The following DNER variants were observed in gnomAD, a reference collection of about 807,000 sequenced individuals.
DNER encodes delta and Notch-like epidermal growth factor-related receptor.
Under a neutral mutation model 78.2 loss-of-function variants are expected in DNER, and 33 were observed. That is an observed-to-expected ratio of 0.42 (90% CI 0.32 to 0.56). DNER has a LOEUF of 0.56. Among genes scored for constraint, DNER ranks in the 20% least tolerant of loss-of-function variants. The pLI is 0.11. For synonymous variants in DNER, 417 were observed against 384.8 expected (o/e 1.08, Z -0.98); for missense variants, 918 against 975.3 (o/e 0.94, Z 0.78).
chr2:229,460,348 A>G (rs1207319320), intron 7 of DNER, among the ~76,000 whole-genome samples: 2 of 151,782 alleles, frequency 1.3e-5, no homozygotes, highest in African/African-American at 4.8e-5. Flanking sequence ...TGTAATGTTG[A>G]GAGCTTTTTA....
chr2:229,614,799 G>A lies in DNER; in HGVS notation c.277-22911C>T, dbSNP rs1698122580. On this transcript the variant is annotated intron_variant, in intron 1 of 12. Coordinates refer to ENST00000341772, the MANE Select transcript of DNER (RefSeq NM_139072.4). ...TGCCCACTTTCCTCATGGCTGGTTA[G>A]AGAAATCAAAAGTACAGTGCAATAT... 3.9e-5 allele frequency among the ~76,000 whole-genome samples: 6 copies of A among 152,284 alleles called. No individual in the cohort carries two copies. The South Asian group carries it at 1.2e-3, about 32-fold the overall frequency.
intron 1 of DNER, among the ~76,000 whole-genome samples, chr2:229,687,408 C>T (rs979472830): frequency 2.0e-5 from 3 of 151,876 alleles, no homozygotes; most frequent in Admixed American, 6.6e-5. Context: ...GGACTACAGG[C>T]GTCTACCACC....
At position 229,709,480 on chromosome 2, in the gene DNER, T is replaced by C. The variant is rs545518611; in HGVS notation, c.276+4668A>G. On this transcript the variant is annotated intron_variant, in intron 1 of 12. Transcript: ENST00000341772. ...ACTACAATGTGAGTTTGTGTGTGTC[T>C]GTGTGTGTGTGTGTGTTTGTGTGTA... 3.0e-4 allele frequency among the ~76,000 whole-genome samples: 44 copies of C among 147,672 alleles called. No homozygotes were observed. The South Asian group carries it at 9.0e-3, about 30-fold the overall frequency.
chr2:229,598,480 T>G (rs1409629565), intron 1 of DNER, among the ~76,000 whole-genome samples: 1 of 152,258 alleles, frequency 6.6e-6, no homozygotes, highest in East Asian at 1.9e-4. Flanking sequence ...GCTCATCAAT[T>G]GCTTGCCCTG....
intron 4 of DNER, among the ~76,000 whole-genome samples, chr2:229,561,056 TTTGCTTGC>T (rs896340776): frequency 3.3e-5 from 5 of 152,190 alleles, no homozygotes; most frequent in Non-Finnish European, 7.4e-5. Context: ...TTACTTGTGG[TTTGCTTGC>T]TTGCTTGTAA....
Position 229,538,307 on chromosome 2 carries a change from G to A in DNER, c.993+8640C>T, listed in dbSNP as rs547471971. Among the ~76,000 whole-genome samples the A allele has an allele frequency of 9.2e-5, 14 of 152,238 alleles. No individual in the cohort carries two copies. In the South Asian group the frequency reaches 1.7e-3, roughly 18 times the overall value. On this transcript the variant is annotated intron_variant, in intron 5 of 12. Transcript: ENST00000341772. ...ACTCTCTGACTCAAAAATGTTTAAC[G>A]AACACTGTCATAAAGCTATTTAGTC...
At chr2:229,652,591 A>G (rs1470109235) in intron 1 of DNER, among the ~76,000 whole-genome samples, 1 of 152,212 alleles carries the variant, frequency 6.6e-6, no homozygotes, top group East Asian at 1.9e-4. Context: ...AGATACCACA[A>G]AGGGAGGCAA....
chr2:229,586,931 G>A, intron 3 of DNER: 9 of 985,496 alleles, frequency 9.1e-6, no homozygotes, highest in Non-Finnish European at 1.1e-5. Context: ...GGAAATGAAA[G>A]CGTAAGGAGC....
chr2:229,668,517 T>TATATATACTTACCAATATATA (rs1491497801), intron 1 of DNER, among the ~76,000 whole-genome samples: 1 of 53,412 alleles, frequency 1.9e-5, no homozygotes, highest in African/African-American at 1.3e-4. Flanking sequence ...TAGGTAAGTA[T>TATATATACTTACCAATATATA]GTGTGTGTGT....
intron 11 of DNER, among the ~76,000 whole-genome samples, chr2:229,378,036 A>G (rs1335915957): frequency 6.6e-6 from 1 of 152,182 alleles, no homozygotes. Flanking sequence ...CAATTGAGTG[A>G]TGAGAATGAA....
chr2:229,510,929 T>C (rs1695853939), intron 6 of DNER, among the ~76,000 whole-genome samples: 2 of 152,156 alleles, frequency 1.3e-5, no homozygotes, highest in African/African-American at 2.4e-5. Flanking sequence ...CATATCACTT[T>C]TTAAAAACAT....
intron 11 of DNER, among the ~76,000 whole-genome samples, chr2:229,379,112 A>T (rs541501625): frequency 5.9e-5 from 9 of 152,294 alleles, no homozygotes; most frequent in African/African-American, 2.2e-4. Flanking sequence ...TGAGATGTGT[A>T]ATGTACCCTA....
At chr2:229,683,314 G>A (rs1699420252) in intron 1 of DNER, among the ~76,000 whole-genome samples, 4 of 152,158 alleles carry the variant, frequency 2.6e-5, no homozygotes, top group Admixed American at 2.6e-4. Context: ...TCTGAAGTCT[G>A]AATTCCAAAG....
chr2:229,576,058 C>T (rs999347320), intron 4 of DNER, among the ~76,000 whole-genome samples: 3 of 152,116 alleles, frequency 2.0e-5, no homozygotes, highest in African/African-American at 7.2e-5. Context: ...TGCATTGGAA[C>T]ATTCCAATGG....
intron 4 of DNER, among the ~76,000 whole-genome samples, chr2:229,582,718 C>A (rs1453043552): frequency 6.6e-6 from 1 of 152,152 alleles, no homozygotes; most frequent in Non-Finnish European, 1.5e-5. Flanking sequence ...TGGCTCACTG[C>A]AAGCTCCGCC....
At chr2:229,592,408 G>A (rs923107855) in intron 1 of DNER, among the ~76,000 whole-genome samples, 2 of 152,176 alleles carry the variant, frequency 1.3e-5, no homozygotes, top group African/African-American at 4.8e-5. Context: ...AGGTGATACT[G>A]TACTATTTAA....
chr2:229,425,021 G>C (rs183392267), intron 8 of DNER, among the ~76,000 whole-genome samples: 1 of 152,206 alleles, frequency 6.6e-6, no homozygotes, highest in Admixed American at 6.5e-5. Context: ...AACTTGAAGA[G>C]ATTTGAGAAC....
chr2:229,362,052 G>A (rs1692228911), intron 12 of DNER, among the ~76,000 whole-genome samples: 1 of 152,042 alleles, frequency 6.6e-6, no homozygotes. Flanking sequence ...TTAAAAGATG[G>A]GAAGGAGTTG....
At chr2:229,485,732 T>C (rs1215510482) in intron 6 of DNER, among the ~76,000 whole-genome samples, 1 of 152,156 alleles carries the variant, frequency 6.6e-6, no homozygotes, top group African/African-American at 2.4e-5. Context: ...ATCAATCAGT[T>C]GTGGGCATTT....
Sources: gnomAD v4.1 joint callset for allele counts (sites outside exome capture counted in the v4.1 genomes callset) on GRCh38, gnomAD v4.1.1 for gene constraint, MANE v1.5 for transcripts, NCBI Gene and HGNC (gene_info 2026-07-23, HGNC 2026-07-21) for gene names.